The following SLC6A2 variants were observed in gnomAD, a reference collection of about 807,000 sequenced individuals.
SLC6A2 encodes the protein sodium-dependent noradrenaline transporter.
A neutral mutation model predicts 71.7 loss-of-function variants in SLC6A2; 26 were observed. The observed-to-expected ratio is 0.36, with a 90% CI of 0.27 to 0.50. SLC6A2 has a LOEUF of 0.50. Ranked by LOEUF, SLC6A2 falls within the 20% of genes least tolerant of loss-of-function variation. The probability of loss-of-function intolerance (pLI) is 0.96; values close to 1 mark genes in which losing one functional copy is unlikely to be tolerated. For missense variants in SLC6A2, 581 were observed against 803.9 expected (o/e 0.72, Z 3.35); for synonymous variants, 363 against 337.9 (o/e 1.07, Z -0.82).
intron 11 of SLC6A2, among the ~76,000 whole-genome samples, chr16:55,699,091 A>C (rs186085672): frequency 1.3e-5 from 2 of 152,292 alleles, no homozygotes; most frequent in Admixed American, 1.3e-4. Flanking sequence ...GTTTTTCCCC[A>C]CCAAGTGTCA....
chr16:55,705,316 G>T lies in SLC6A2; in HGVS notation c.*2970G>T, dbSNP rs1422788111. ...GCCTTAATTCTCAAAAGGAGTTACC[G>T]CTCAGCTGGGAGCCAGTTCCTGCTA... On this transcript the variant is annotated 3_prime_UTR_variant, in exon 15 of 15. Transcript: ENST00000568943. The T allele has an allele frequency of 5.7e-6, 8 of 1,401,672 alleles. No individual in the cohort carries two copies. Among genetic ancestry groups the T allele is most frequent in the Non-Finnish European group, 6.8e-6 (7 of 1,027,556 alleles). The allele number at this position is 1,401,672 out of a possible 1,614,324, so 86.8% of individuals were successfully genotyped here. A position where few individuals can be genotyped will look rare whatever the true frequency, so the allele number is the denominator to read the frequency against.
chr16:55,688,810 C>T (rs2142572652), intron 5 of SLC6A2, among the ~76,000 whole-genome samples: 1 of 152,180 alleles, frequency 6.6e-6, no homozygotes, highest in South Asian at 2.1e-4. Flanking sequence ...AAGCACCTCA[C>T]CACCTTCCTG....
chr16:55,672,112 C>G lies in SLC6A2; in HGVS notation c.581C>G (p.Ser194Cys), dbSNP rs1394531249. The change falls in exon 4 of 15, where the codon TCC (serine) becomes TGC (cysteine). Residue 194 changes from serine (S) to cysteine (C), a missense_variant. Coordinates refer to ENST00000568943, the MANE Select transcript of SLC6A2 (RefSeq NM_001172501.3). Reference sequence around the variant, plus strand: ...ACCGACCCCAAGCTCCTCAATGGCTCCGTGCTTGGCAACCACACCAAGTAC... The same window carrying G: ...ACCGACCCCAAGCTCCTCAATGGCTGCGTGCTTGGCAACCACACCAAGTAC... ...NCTDPKLLNG[S>C]VLGNHTKYSK... 3.1e-6 allele frequency: 5 copies of G among 1,614,074 alleles called. No homozygotes were observed. Among genetic ancestry groups the G allele is most frequent in the Non-Finnish European group, 4.2e-6 (5 of 1,180,036 alleles).
At chr16:55,691,753 T>C (rs1441185036) in intron 5 of SLC6A2, among the ~76,000 whole-genome samples, 165 bp from the exon 6 acceptor site, 1 of 152,224 alleles carries the variant, frequency 6.6e-6, no homozygotes. Flanking sequence ...CCCTGGATTC[T>C]GGCTCAGGGC....
chr16:55,670,883 C>A (rs36026), intron 3 of SLC6A2, among the ~76,000 whole-genome samples: 13,282 of 152,230 alleles, frequency 0.087, 705 homozygotes, highest in East Asian at 0.14. Flanking sequence ...TCGCCAACAC[C>A]TCACAGGCTA....
At chr16:55,689,712 C>G (rs574669860) in intron 5 of SLC6A2, among the ~76,000 whole-genome samples, 1 of 152,344 alleles carries the variant, frequency 6.6e-6, no homozygotes, top group South Asian at 2.1e-4. Context: ...GATTGATTAA[C>G]GTGAGGTCAC....
chr16:55,686,243 A>G (rs555736383), intron 5 of SLC6A2, among the ~76,000 whole-genome samples: 3 of 152,308 alleles, frequency 2.0e-5, no homozygotes, highest in East Asian at 3.9e-4. Context: ...GTGCATACAC[A>G]TTGCTAGCAT....
At position 55,656,975 on chromosome 16, in the gene SLC6A2, G is replaced by C. The variant is rs368095440; in HGVS notation, c.274+7G>C. Reference sequence around the variant, plus strand: ...TGCTACAAGAACGGCGGCGGTGAGCGTGGGGTCGGGCTGGGAATTTGAATC... The same window carrying C: ...TGCTACAAGAACGGCGGCGGTGAGCCTGGGGTCGGGCTGGGAATTTGAATC... On this transcript the variant is annotated splice_region_variant and intron_variant, in intron 2 of 14. Coordinates refer to ENST00000568943, the MANE Select transcript of SLC6A2 (RefSeq NM_001172501.3). The surrounding 1 kb of genome is among the most constrained non-coding windows in gnomAD (Gnocchi z 4.5). 6 of 1,612,602 alleles carry C rather than the reference G, an allele frequency of 3.7e-6. No individual in the cohort carries two copies. The South Asian group carries it at 6.6e-5, about 18-fold the overall frequency.
At chr16:55,671,496 G>A (rs1317166980) in intron 3 of SLC6A2, among the ~76,000 whole-genome samples, 2 of 152,092 alleles carry the variant, frequency 1.3e-5, no homozygotes. Flanking sequence ...GGCCTGTTAG[G>A]AACCGGGCCA....
chr16:55,660,706 C>T (rs1964587958), intron 2 of SLC6A2, among the ~76,000 whole-genome samples: 2 of 152,142 alleles, frequency 1.3e-5, no homozygotes, highest in African/African-American at 2.4e-5. Flanking sequence ...GTGAACATGA[C>T]CTGAGATAAC....
intron 5 of SLC6A2, 80 bp downstream of exon 5, chr16:55,685,361 A>C: frequency 6.9e-7 from 1 of 1,452,726 alleles, no homozygotes; most frequent in Non-Finnish European, 9.6e-7. Context: ...ATAATTATGT[A>C]GCTGGTGGAC....
chr16:55,698,765 T>C (rs1965879325), intron 11 of SLC6A2, among the ~76,000 whole-genome samples, 197 bp downstream of exon 11: 1 of 152,160 alleles, frequency 6.6e-6, no homozygotes, highest in African/African-American at 2.4e-5. Context: ...CAAAGGCCCC[T>C]GGGCATCAAC....
chr16:55,690,085 C>T (rs1373268611), intron 5 of SLC6A2, among the ~76,000 whole-genome samples: 2 of 152,302 alleles, frequency 1.3e-5, no homozygotes, highest in African/African-American at 4.8e-5. Context: ...ATCTACTCAA[C>T]CCTCCACCCA....
intron 4 of SLC6A2, among the ~76,000 whole-genome samples, chr16:55,676,209 A>G (rs1354380071): frequency 2.6e-5 from 4 of 152,184 alleles, no homozygotes. Flanking sequence ...GCCCTCCCAG[A>G]GGATCTGAAT....
chr16:55,698,673 C>G (rs189268560), intron 11 of SLC6A2, 105 bp downstream of exon 11: 1 of 789,718 alleles, frequency 1.3e-6, no homozygotes, highest in African/African-American at 1.7e-5. Context: ...CCTAAAATTC[C>G]AGAGTCCAGC....
chr16:55,703,220 G>A lies in SLC6A2; in HGVS notation c.*874G>A, dbSNP rs41280886. 6,060 of 985,356 alleles carry A rather than the reference G, an allele frequency of 6.2e-3. 21 individuals are homozygous for A. Among genetic ancestry groups the A allele is most frequent in the Non-Finnish European group, 6.8e-3 (5,659 of 829,846 alleles). 61.0% of individuals were successfully genotyped at this position (985,356 alleles called of 1,614,324 possible). ...CATCTGCACTTCCTGAGACCTGCCT[G>A]GGGAAACGGGGGCAGGGACCAAGTG... is the stretch of plus-strand genomic sequence containing the variant. On this transcript the variant is annotated 3_prime_UTR_variant, in exon 15 of 15. Coordinates refer to ENST00000568943, the MANE Select transcript of SLC6A2 (RefSeq NM_001172501.3).
intron 3 of SLC6A2, among the ~76,000 whole-genome samples, chr16:55,671,480 A>T (rs1380065251): frequency 6.6e-6 from 1 of 152,130 alleles, no homozygotes; most frequent in African/African-American, 2.4e-5. Context: ...CCACGGACCA[A>T]TAACCGGCCT....
chr16:55,696,954 A>G (rs1196273471), intron 9 of SLC6A2, among the ~76,000 whole-genome samples: 1 of 152,216 alleles, frequency 6.6e-6, no homozygotes, highest in Non-Finnish European at 1.5e-5. Flanking sequence ...ACTGCACTTC[A>G]ACCTGGGTAG....
intron 4 of SLC6A2, among the ~76,000 whole-genome samples, chr16:55,681,437 TCA>T (rs1965269245): frequency 6.6e-6 from 1 of 152,204 alleles, no homozygotes; most frequent in Admixed American, 6.5e-5. Flanking sequence ...AGGATTCGGG[TCA>T]CACAGGATCT....
Sources: allele counts gnomAD v4.1 joint callset (sites outside exome capture counted in the v4.1 genomes callset), GRCh38; gene constraint gnomAD v4.1.1; non-coding constraint Gnocchi (gnomAD v3.1); transcripts MANE v1.5; gene names NCBI Gene and HGNC (gene_info 2026-07-23, HGNC 2026-07-21).